The following ADCY10 variants were observed in gnomAD, a reference collection of about 807,000 sequenced individuals.
The protein encoded by ADCY10 is adenylate cyclase 10.
In ADCY10, 156 loss-of-function variants were observed where a neutral mutation model predicts 183.3. The ratio of observed to expected loss-of-function variants is 0.85; its 90% confidence interval spans 0.75 to 0.97. The LOEUF (loss-of-function observed/expected upper bound fraction) is 0.97. Among genes scored for constraint, ADCY10 ranks in the 50% least tolerant of loss-of-function variants. The probability of loss-of-function intolerance (pLI) is 0.00; values close to 1 mark genes in which losing one functional copy is unlikely to be tolerated. For synonymous variants in ADCY10, 645 were observed against 670.0 expected (o/e 0.96, Z 0.58); for missense variants, 1,745 against 1,934.3 (o/e 0.90, Z 1.84).
chr1:167,852,322 T>C (rs1665558333), intron 18 of ADCY10, among the ~76,000 whole-genome samples: 1 of 152,114 alleles, frequency 6.6e-6, no homozygotes, highest in Non-Finnish European at 1.5e-5. Flanking sequence ...TGCATGCCTG[T>C]AATCCTTGCT....
At chr1:167,885,781 A>G (rs1558233825) in intron 8 of ADCY10, among the ~76,000 whole-genome samples, 1 of 151,778 alleles carries the variant, frequency 6.6e-6, no homozygotes, top group Admixed American at 6.6e-5. Flanking sequence ...CGCCCAGCTA[A>G]TTTTTTGTAT....
At chr1:167,879,039 T>G (rs1667690788) in intron 11 of ADCY10, among the ~76,000 whole-genome samples, 1 of 152,224 alleles carries the variant, frequency 6.6e-6, no homozygotes, top group African/African-American at 2.4e-5. Flanking sequence ...AAATTGTGTC[T>G]GCATGCTCCT....
chr1:167,875,674 G>A (rs564768879), intron 12 of ADCY10, among the ~76,000 whole-genome samples: 1 of 152,336 alleles, frequency 6.6e-6, no homozygotes, highest in East Asian at 1.9e-4. Context: ...TACTTGGCTG[G>A]GCGCAGTGAC....
At chr1:167,811,073 C>T (rs1662176230) in intron 31 of ADCY10, among the ~76,000 whole-genome samples, 160 bp from the exon 32 acceptor site, 1 of 152,092 alleles carries the variant, frequency 6.6e-6, no homozygotes, top group Admixed American at 6.6e-5. Flanking sequence ...GGAGATAAGA[C>T]AATAAATGTC....
chr1:167,820,380 C>A, intron 30 of ADCY10: 2 of 581,726 alleles, frequency 3.4e-6, no homozygotes, highest in East Asian at 3.2e-5. Context: ...TCGCCTAGCC[C>A]GCCTGGCTCA....
rs758121694 is a variant in ADCY10 at position 167,845,725 on chromosome 1, T to C, written c.2845A>G (p.Met949Val). The C allele has an allele frequency of 1.9e-6, 3 of 1,614,258 alleles. No homozygotes were observed. Among genetic ancestry groups the C allele is most frequent in the Non-Finnish European group, 2.5e-6 (3 of 1,180,048 alleles). Reference sequence around the variant, plus strand: ...AAAAAGCGGGCACATTTCAAGTGCATGGCTTTTCTCTGGTCCTTGAGCCAC... The same window carrying C: ...AAAAAGCGGGCACATTTCAAGTGCACGGCTTTTCTCTGGTCCTTGAGCCAC... ...ELWLKDQRKA[M>V]HLKCARFLEE... The change falls in exon 21 of 33, where the codon ATG becomes GTG. Residue 949 changes from methionine (M) to valine (V), a missense_variant. By Grantham distance (21) the Met-to-Val change is conservative. Coordinates refer to ENST00000367851, the MANE Select transcript of ADCY10 (RefSeq NM_018417.6).
intron 31 of ADCY10, 81 bp from the exon 32 acceptor site, chr1:167,810,994 T>G (rs1383216689): frequency 7.5e-7 from 1 of 1,328,382 alleles, no homozygotes; most frequent in East Asian, 2.4e-5. Context: ...ACAGATGATT[T>G]GGGAACATTT....
chr1:167,859,894 C>A lies in ADCY10; in HGVS notation c.1810-1G>T, dbSNP rs896182886. Reference sequence around the variant, plus strand: ...TGGAAATCTCCCGAGAAATAGGGAACTGTACAAAGAATTATGAGAATATTG... The same window carrying A: ...TGGAAATCTCCCGAGAAATAGGGAAATGTACAAAGAATTATGAGAATATTG... On this transcript the variant is annotated splice_acceptor_variant, in intron 15 of 32. Transcript: ENST00000367851. LOFTEE classifies it high-confidence loss of function. 12 of 1,604,418 alleles carry A rather than the reference C, an allele frequency of 7.5e-6. No homozygotes were observed. In the Admixed American group the frequency reaches 1.7e-4, roughly 22 times the overall value.
At chr1:167,819,655 T>A (rs930854163) in intron 30 of ADCY10, among the ~76,000 whole-genome samples, 2 of 152,146 alleles carry the variant, frequency 1.3e-5, no homozygotes, top group East Asian at 3.9e-4. Flanking sequence ...CTTCGCCTCC[T>A]GGGTTCAAAC....
At chr1:167,865,120 C>T (rs1666589684) in intron 14 of ADCY10, among the ~76,000 whole-genome samples, 2 of 151,928 alleles carry the variant, frequency 1.3e-5, no homozygotes, top group Non-Finnish European at 2.9e-5. Context: ...AATAAGGCCT[C>T]CTGAGTACTA....
At chr1:167,900,695 G>T (rs972079362) in intron 5 of ADCY10, among the ~76,000 whole-genome samples, 1 of 152,060 alleles carries the variant, frequency 6.6e-6, no homozygotes, top group African/African-American at 2.4e-5. Context: ...ATCACGCCTG[G>T]CTAATTTTTG....
At chr1:167,838,336 G>T (rs541925560) in intron 21 of ADCY10, among the ~76,000 whole-genome samples, 1 of 141,044 alleles carries the variant, frequency 7.1e-6, no homozygotes, top group Non-Finnish European at 1.6e-5. Context: ...TGAATATATT[G>T]AATTATGACC....
At chr1:167,841,502 C>CTATTTTTTT (rs1664635847) in intron 21 of ADCY10, among the ~76,000 whole-genome samples, 1 of 90,902 alleles carries the variant, frequency 1.1e-5, no homozygotes, top group Non-Finnish European at 1.9e-5. Context: ...ATATGCTTTC[C>CTATTTTTTT]TTTTTTTTTT....
intron 8 of ADCY10, among the ~76,000 whole-genome samples, chr1:167,892,660 G>T (rs1668676924): frequency 6.6e-6 from 1 of 152,086 alleles, no homozygotes. Context: ...CAGGCACTAG[G>T]GGTAATGTTT....
intron 6 of ADCY10, among the ~76,000 whole-genome samples, chr1:167,897,129 T>C (rs1417576723): frequency 2.0e-5 from 3 of 151,084 alleles, no homozygotes; most frequent in Non-Finnish European, 4.4e-5. Flanking sequence ...ACACATGTGA[T>C]GACACACTGA....
chr1:167,878,908 G>A (rs531108895), intron 11 of ADCY10, among the ~76,000 whole-genome samples: 10 of 152,322 alleles, frequency 6.6e-5, no homozygotes, highest in South Asian at 2.1e-4. Flanking sequence ...TATGGAGCAG[G>A]CTCTGTAAGT....
At chr1:167,822,895 G>T in intron 29 of ADCY10, 113 bp downstream of exon 29, 5 of 902,252 alleles carry the variant, frequency 5.5e-6, no homozygotes, top group Non-Finnish European at 7.3e-6. Flanking sequence ...TGCCCTGTAA[G>T]TCCACCAGCC....
chr1:167,836,250 G>T, intron 23 of ADCY10, 59 bp downstream of exon 23: 2 of 1,163,744 alleles, frequency 1.7e-6, no homozygotes, highest in South Asian at 1.3e-5. Context: ...GCTTCCTTCT[G>T]GCTCTATGTT....
chr1:167,893,897 C>T lies in ADCY10; in HGVS notation c.784G>A (p.Glu262Lys), dbSNP rs775395210. ...ATCACATACTTTTGTAGGGACATCT[C>T]CAGTTCAGGATCAGGCTTCAGCGTG... Reference protein sequence around the residue: ...ACTLKPDPELEMSLQKYVMES... With the variant: ...ACTLKPDPELKMSLQKYVMES... The change falls in exon 8 of 33, where the codon GAG becomes AAG. Residue 262 changes from glutamate (E) to lysine (K), a missense_variant. Coordinates refer to ENST00000367851, the MANE Select transcript of ADCY10 (RefSeq NM_018417.6). 39 of 1,613,574 alleles carry T rather than the reference C, an allele frequency of 2.4e-5. No homozygotes were observed. The highest frequency in any genetic ancestry group is 3.2e-5 in the Non-Finnish European group (38 of 1,179,744).
Sources: allele counts gnomAD v4.1 joint callset (sites outside exome capture counted in the v4.1 genomes callset), GRCh38; gene constraint gnomAD v4.1.1; transcripts MANE v1.5; gene names NCBI Gene and HGNC (gene_info 2026-07-23, HGNC 2026-07-21).